Variants in DAAM1 observed in about 807,000 individuals in gnomAD.
DAAM1 encodes disheveled-associated activator of morphogenesis 1.
Under a neutral mutation model 130.0 loss-of-function variants are expected in DAAM1, and 52 were observed. The ratio of observed to expected loss-of-function variants is 0.40; its 90% confidence interval spans 0.32 to 0.50. The LOEUF (loss-of-function observed/expected upper bound fraction) is 0.50, where lower values mean the gene tolerates loss of function less well. Ranked by LOEUF, DAAM1 falls within the 20% of genes least tolerant of loss-of-function variation. The probability of loss-of-function intolerance (pLI) is 0.61; values close to 1 mark genes in which losing one functional copy is unlikely to be tolerated. For synonymous variants in DAAM1, 452 were observed against 444.5 expected (o/e 1.02, Z -0.21); for missense variants, 1,134 against 1,303.8 (o/e 0.87, Z 2.01).
chr14:59,354,417 TG>T (rs1886400245), intron 19 of DAAM1, among the ~76,000 whole-genome samples: 1 of 151,950 alleles, frequency 6.6e-6, no homozygotes, highest in Admixed American at 6.6e-5. Context: ...TTCTGAGGGG[TG>T]ATTACTTAAG....
At chr14:59,308,529 T>G (rs1347125853) in intron 3 of DAAM1, among the ~76,000 whole-genome samples, 13 of 152,138 alleles carry the variant, frequency 8.5e-5, no homozygotes, top group Non-Finnish European at 1.9e-4. Flanking sequence ...TAACAGTTCA[T>G]GAGAGTGCTA....
At chr14:59,263,908 C>T (rs943519128) in intron 2 of DAAM1, 3 of 532,788 alleles carry the variant, frequency 5.6e-6, no homozygotes, top group Non-Finnish European at 1.0e-5. Context: ...TTTAGACCTT[C>T]AGTTCTTCAA....
At chr14:59,310,281 T>C (rs1001126488) in intron 3 of DAAM1, among the ~76,000 whole-genome samples, 4 of 151,886 alleles carry the variant, frequency 2.6e-5, no homozygotes, top group African/African-American at 9.7e-5. Flanking sequence ...AGCTAACTTT[T>C]TTAAAATTAT....
chr14:59,293,034 C>T (rs1017994796), intron 3 of DAAM1, among the ~76,000 whole-genome samples: 1 of 152,168 alleles, frequency 6.6e-6, no homozygotes, highest in African/African-American at 2.4e-5. Flanking sequence ...AAACTTTTCA[C>T]ACTGCCATCT....
intron 1 of DAAM1, among the ~76,000 whole-genome samples, chr14:59,245,139 G>T (rs73295959): frequency 6.6e-6 from 1 of 152,110 alleles, no homozygotes; most frequent in African/African-American, 2.4e-5. Context: ...GTGTCTTCAC[G>T]TGGATCAAAT....
chr14:59,190,622 C>T (rs1471266919), intron 1 of DAAM1, among the ~76,000 whole-genome samples: 1 of 152,210 alleles, frequency 6.6e-6, no homozygotes, highest in Non-Finnish European at 1.5e-5. Flanking sequence ...GGGCCATAAC[C>T]AGGAGCCTTG....
intron 23 of DAAM1, among the ~76,000 whole-genome samples, chr14:59,366,221 CTTTTTAAAAAAAAATTT>C (rs560956997): frequency 9.3e-4 from 141 of 151,814 alleles, no homozygotes; most frequent in Middle Eastern, 3.4e-3. Context: ...TACCCCATAT[CTTTTTAAAAAAAAATTT>C]TTTTTAAAGA....
At chr14:59,309,904 C>G (rs776718919) in intron 3 of DAAM1, among the ~76,000 whole-genome samples, 11 of 152,186 alleles carry the variant, frequency 7.2e-5, no homozygotes, top group Non-Finnish European at 1.3e-4. Context: ...TATGTTGGCA[C>G]CTATTCTCTA....
intron 1 of DAAM1, among the ~76,000 whole-genome samples, chr14:59,198,997 G>A (rs1888008655): frequency 1.3e-5 from 2 of 152,198 alleles, no homozygotes; most frequent in South Asian, 4.1e-4. Context: ...ATGTGGCACT[G>A]TGTACTCATC....
At chr14:59,325,835 A>G in intron 9 of DAAM1, 105 bp downstream of exon 9, 1 of 1,526,542 alleles carries the variant, frequency 6.6e-7, no homozygotes. Context: ...ACCTAAAAGC[A>G]AACTCAAAGC....
intron 12 of DAAM1, among the ~76,000 whole-genome samples, chr14:59,330,096 T>C (rs1460296194): frequency 1.3e-5 from 2 of 152,220 alleles, no homozygotes; most frequent in African/African-American, 2.4e-5. Flanking sequence ...CTACTCTTTG[T>C]CTCACTTCTA....
chr14:59,230,990 A>G (rs1485661037), intron 1 of DAAM1, among the ~76,000 whole-genome samples: 2 of 152,196 alleles, frequency 1.3e-5, no homozygotes, highest in Non-Finnish European at 2.9e-5. Flanking sequence ...CTTGCTGTCA[A>G]TGTCTTATGC....
At chr14:59,225,723 C>T (rs189988691) in intron 1 of DAAM1, among the ~76,000 whole-genome samples, 1 of 152,214 alleles carries the variant, frequency 6.6e-6, no homozygotes, top group Admixed American at 6.5e-5. Flanking sequence ...CAGCTTTAGC[C>T]CTGCTGGTAC....
At chr14:59,363,515 A>T in intron 22 of DAAM1, 136 bp from the exon 23 acceptor site, 2 of 1,319,332 alleles carry the variant, frequency 1.5e-6, no homozygotes, top group Non-Finnish European at 2.1e-6. Flanking sequence ...AGAGTATAAC[A>T]AAATGTTTTA....
intron 3 of DAAM1, among the ~76,000 whole-genome samples, chr14:59,308,195 A>G (rs1015371347): frequency 1.3e-5 from 2 of 152,196 alleles, no homozygotes; most frequent in African/African-American, 2.4e-5. Flanking sequence ...TAGTCCTTTT[A>G]TAGGAGCTTA....
chr14:59,280,285 A>T (rs992194450), intron 2 of DAAM1, among the ~76,000 whole-genome samples: 9 of 152,120 alleles, frequency 5.9e-5, no homozygotes, highest in Non-Finnish European at 1.5e-5. Flanking sequence ...TTTAAAATGC[A>T]TTGGGCATGT....
At chr14:59,308,165 C>G (rs1005705042) in intron 3 of DAAM1, among the ~76,000 whole-genome samples, 4 of 152,106 alleles carry the variant, frequency 2.6e-5, no homozygotes, top group Admixed American at 2.6e-4. Flanking sequence ...CTGTGAATGA[C>G]TAATACAAAT....
chr14:59,326,455 A>G, intron 10 of DAAM1, 55 bp from the exon 11 acceptor site: 2 of 1,531,434 alleles, frequency 1.3e-6, no homozygotes, highest in South Asian at 1.3e-5. Flanking sequence ...ACAAATATTC[A>G]TCCTAGCTTA....
At chr14:59,367,318 A>G in intron 23 of DAAM1, 111 bp from the exon 24 acceptor site, 1 of 1,457,414 alleles carries the variant, frequency 6.9e-7, no homozygotes, top group Non-Finnish European at 9.0e-7. Flanking sequence ...ATAAATGAGC[A>G]AACAAAACTT....
Sources: allele counts gnomAD v4.1 joint callset (sites outside exome capture counted in the v4.1 genomes callset), GRCh38; gene constraint gnomAD v4.1.1; transcripts MANE v1.5; gene names NCBI Gene and HGNC (gene_info 2026-07-23, HGNC 2026-07-21).